PCDHA1: variants seen among roughly 807,000 people sequenced by gnomAD.
PCDHA1 encodes protocadherin alpha-1.
Under a neutral mutation model 61.3 loss-of-function variants are expected in PCDHA1, and 42 were observed. The ratio of observed to expected loss-of-function variants is 0.69; its 90% CI spans 0.54 to 0.89. PCDHA1 has a LOEUF of 0.89. Among genes scored for constraint, PCDHA1 ranks in the 40% least tolerant of loss-of-function variants. The probability of loss-of-function intolerance (pLI) is 0.00; values close to 1 mark genes in which losing one functional copy is unlikely to be tolerated. For synonymous variants in PCDHA1, 610 were observed against 553.8 expected, an observed-to-expected ratio of 1.10 and a Z score of -1.43; for missense variants, 1,256 against 1,235.3, an observed-to-expected ratio of 1.02 and a Z score of -0.25.
At chr5:140,878,586 C>T (rs1020008029) in intron 1 of PCDHA1, among the ~76,000 whole-genome samples, 9 of 152,164 alleles carry the variant, frequency 5.9e-5, no homozygotes, top group Non-Finnish European at 1.3e-4. Context: ...TGCCCTGTGC[C>T]TATTACCAAG....
At chr5:140,844,242 G>A (rs2150369958) in intron 1 of PCDHA1, among the ~76,000 whole-genome samples, 3,371 of 149,312 alleles carry the variant, frequency 0.023, 302 homozygotes, top group African/African-American at 0.077. Flanking sequence ...CACTATTGCC[G>A]TTTTAAGCAG....
chr5:140,809,434 A>T, intron 1 of PCDHA1: 2 of 1,614,242 alleles, frequency 1.2e-6, no homozygotes, highest in South Asian at 2.2e-5. Flanking sequence ...GGAGCTGGTC[A>T]TACTCGCAGC....
chr5:140,870,970 G>A, intron 1 of PCDHA1: 4 of 1,613,652 alleles, frequency 2.5e-6, no homozygotes, highest in Non-Finnish European at 3.4e-6. Context: ...CCCGTTCCGC[G>A]TGGGGCTGTA....
intron 1 of PCDHA1, among the ~76,000 whole-genome samples, chr5:140,918,821 GC>G (rs35355209): frequency 0.76 from 114,950 of 152,064 alleles, 44,573 homozygotes; most frequent in African/African-American, 0.94. Flanking sequence ...CCAAAAAGTG[GC>G]CCCCTCCCCA....
intron 1 of PCDHA1, chr5:140,928,844 C>T (rs782361945): frequency 1.2e-6 from 2 of 1,614,168 alleles, no homozygotes; most frequent in Non-Finnish European, 1.7e-6. Flanking sequence ...TCCTCTGTCA[C>T]TCTGGGTGTG....
intron 1 of PCDHA1, chr5:140,853,180 A>G (rs2150529700): frequency 2.0e-6 from 2 of 976,402 alleles, no homozygotes. Flanking sequence ...CGCCTGGCCT[A>G]AAATGTGTTC....
In PCDHA1 at chr5:141,007,573, TA is replaced by T. The variant is rs1265481031; in HGVS notation, c.2543-2048del. Among the ~76,000 whole-genome samples, 3 of 151,796 alleles carry T rather than the reference TA, an allele frequency of 2.0e-5. No homozygotes were observed. The East Asian group carries it at 5.8e-4, about 29-fold the overall frequency. On this transcript the variant is annotated intron_variant, in intron 3 of 3. Coordinates refer to ENST00000504120, the MANE Select transcript of PCDHA1 (RefSeq NM_018900.4). ...ACAGAGCAAGGCTCTATCTCAAATTTAAAAAATAATAATCATGATAATAATA... is the reference window on the plus strand; with the variant it reads ...ACAGAGCAAGGCTCTATCTCAAATTTAAAAATAATAATCATGATAATAATA...
chr5:140,884,802 A>G, intron 1 of PCDHA1: 1 of 1,232,140 alleles, frequency 8.1e-7, no homozygotes, highest in Non-Finnish European at 1.1e-6. Flanking sequence ...GAATTTAACA[A>G]CTCTGCTGTG....
At chr5:140,795,381 T>G (rs782365486) in intron 1 of PCDHA1, 2 of 1,614,180 alleles carry the variant, frequency 1.2e-6, no homozygotes, top group Non-Finnish European at 1.7e-6. Context: ...CAGTAAAGAC[T>G]ATCCGGTTTC....
At chr5:140,857,294 A>G in intron 1 of PCDHA1, 2 of 1,598,576 alleles carry the variant, frequency 1.3e-6, no homozygotes, top group Non-Finnish European at 1.7e-6. Context: ...GGACCGCGAG[A>G]GGGTGTCGGC....
intron 3 of PCDHA1, among the ~76,000 whole-genome samples, chr5:141,007,475 C>T (rs575810038): frequency 1.2e-4 from 18 of 151,396 alleles, no homozygotes; most frequent in Non-Finnish European, 2.1e-4. Flanking sequence ...GGCTGAGGCA[C>T]GAGAATTACT....
intron 1 of PCDHA1, among the ~76,000 whole-genome samples, chr5:140,885,056 C>T (rs1554181973): frequency 6.6e-6 from 1 of 152,106 alleles, no homozygotes; most frequent in East Asian, 1.9e-4. Flanking sequence ...TATACATATA[C>T]CCACAAGATA....
At chr5:140,801,471 C>A (rs782465156) in intron 1 of PCDHA1, 23 of 1,614,000 alleles carry the variant, frequency 1.4e-5, no homozygotes, top group Admixed American at 5.0e-5. Flanking sequence ...TCGGATAGAC[C>A]GCGAGGAACT....
chr5:140,859,194 A>G (rs1412348145), intron 1 of PCDHA1: 1 of 149,838 alleles, frequency 6.7e-6, no homozygotes, highest in African/African-American at 2.4e-5. Context: ...ATTGCTTATG[A>G]TATTCAGGTA....
In PCDHA1 at chr5:140,871,640, A is replaced by T; in HGVS notation, c.2394+82956A>T. 6 of 1,294,228 alleles carry T rather than the reference A, an allele frequency of 4.6e-6. No homozygotes were observed. The South Asian group carries it at 9.7e-5, about 21-fold the overall frequency. 80.2% of individuals were successfully genotyped at this position (1,294,228 alleles called of 1,614,324 possible). A position where few individuals can be genotyped will look rare whatever the true frequency, so the allele number is the denominator to read the frequency against. On this transcript the variant is annotated intron_variant, in intron 1 of 3. Transcript: ENST00000504120. The stretch of plus-strand genomic sequence containing the variant: ...TTAGATAACAATGTCTGTTCATAAA[A>T]TACCAAATGATACACATCTTCAGTC...
intron 1 of PCDHA1, chr5:140,824,156 T>C (rs200693729): frequency 6.2e-7 from 1 of 1,611,610 alleles, no homozygotes; most frequent in Non-Finnish European, 8.5e-7. Flanking sequence ...ACATCCATCT[T>C]TCCCTCCCAA....
chr5:140,803,859 T>C lies in PCDHA1; in HGVS notation c.2394+15175T>C, dbSNP rs1763294322. 3 of 578,102 alleles carry C rather than the reference T, an allele frequency of 5.2e-6. No individual in the cohort carries two copies. The South Asian group carries it at 6.9e-5, about 13-fold the overall frequency. 35.8% of individuals were successfully genotyped at this position (578,102 alleles called of 1,614,324 possible). A position where few individuals can be genotyped will look rare whatever the true frequency, so the allele number is the denominator to read the frequency against. ...ATTATTTTATTGCTAAATGCCTGGG[T>C]ATAAGACAAATATTTTTTCTTAGAT... On this transcript the variant is annotated intron_variant, in intron 1 of 3. Coordinates refer to ENST00000504120, the MANE Select transcript of PCDHA1 (RefSeq NM_018900.4).
intron 1 of PCDHA1, 166 bp from the exon 2 acceptor site, chr5:140,978,783 A>G: frequency 1.0e-6 from 1 of 972,136 alleles, no homozygotes. Context: ...TTTCTTCTAA[A>G]GTGCTATATA....
chr5:140,926,763 C>T, intron 1 of PCDHA1: 1 of 1,327,892 alleles, frequency 7.5e-7, no homozygotes, highest in African/African-American at 1.5e-5. Flanking sequence ...GCTGAGTATC[C>T]AGCCCGCAGC....
Sources: gnomAD v4.1 joint callset for allele counts (sites outside exome capture counted in the v4.1 genomes callset) on GRCh38, gnomAD v4.1.1 for gene constraint, MANE v1.5 for transcripts, NCBI Gene and HGNC (gene_info 2026-07-23, HGNC 2026-07-21) for gene names.